The following JARID2 variants were observed in gnomAD, a reference collection of about 807,000 sequenced individuals.
The protein encoded by JARID2 is protein Jumonji.
In JARID2, 21 loss-of-function variants were observed where a neutral mutation model predicts 125.6. The ratio of observed to expected loss-of-function variants is 0.17; its 90% CI spans 0.12 to 0.24. The LOEUF (loss-of-function observed/expected upper bound fraction) is 0.24, where lower values mean the gene tolerates loss of function less well. Ranked by LOEUF, JARID2 falls within the 10% of genes least tolerant of loss-of-function variation. The pLI, the probability that JARID2 is intolerant of heterozygous loss-of-function variation, is 1.00. For synonymous variants in JARID2, 736 were observed against 661.6 expected, an observed-to-expected ratio of 1.11 and a Z score of -1.73; for missense variants, 1,303 against 1,639.6, an observed-to-expected ratio of 0.79 and a Z score of 3.55.
At chr6:15,259,666 G>A (rs1360999976) in intron 1 of JARID2, among the ~76,000 whole-genome samples, 2 of 152,222 alleles carry the variant, frequency 1.3e-5, no homozygotes, top group African/African-American at 4.8e-5. Context: ...AGATGGGTAT[G>A]TTGGGGAGAT....
At chr6:15,413,023 G>GTTTTTTTTTTTTTTTTTTT (rs1349875486) in intron 3 of JARID2, among the ~76,000 whole-genome samples, 1 of 68,004 alleles carries the variant, frequency 1.5e-5, no homozygotes, top group Non-Finnish European at 2.6e-5. Context: ...TTTTTTTTTT[G>GTTTTTTTTTTTTTTTTTTT]TTTTTTTTTT....
chr6:15,440,487 C>A (rs1767399445), intron 3 of JARID2, among the ~76,000 whole-genome samples: 1 of 152,144 alleles, frequency 6.6e-6, no homozygotes, highest in Non-Finnish European at 1.5e-5. Context: ...TGTTTTGTGG[C>A]CTGAAATATG....
At chr6:15,420,224 G>C (rs552336525) in intron 3 of JARID2, among the ~76,000 whole-genome samples, 3 of 152,192 alleles carry the variant, frequency 2.0e-5, no homozygotes, top group Non-Finnish European at 4.4e-5. Flanking sequence ...CCAACATGGT[G>C]AAACCCTGTC....
At chr6:15,262,119 T>C (rs369439464) in intron 1 of JARID2, among the ~76,000 whole-genome samples, 209 of 150,866 alleles carry the variant, frequency 1.4e-3, no homozygotes, top group African/African-American at 4.7e-3. Flanking sequence ...GGCACTGACA[T>C]GGAAAAGGTA....
chr6:15,462,689 G>T (rs1768508964), intron 4 of JARID2, among the ~76,000 whole-genome samples: 1 of 152,224 alleles, frequency 6.6e-6, no homozygotes, highest in Non-Finnish European at 1.5e-5. Context: ...ATTTGACTCT[G>T]CAGCTAAATG....
intron 3 of JARID2, among the ~76,000 whole-genome samples, chr6:15,436,812 A>ATT (rs137973226): frequency 1.3e-5 from 2 of 149,038 alleles, no homozygotes; most frequent in African/African-American, 2.5e-5. Context: ...TTTTCTTGTG[A>ATT]TTTTTTTTTT....
chr6:15,251,058 C>T (rs1314680086), intron 1 of JARID2, among the ~76,000 whole-genome samples: 1 of 151,982 alleles, frequency 6.6e-6, no homozygotes, highest in African/African-American at 2.4e-5. Flanking sequence ...CTTGCTCAGC[C>T]ACCCAGGCTG....
rs1761973335 is a variant in JARID2 at position 15,310,369 on chromosome 6, T to C, written c.46-63748T>C. ...TACAAATGACTAGTCACAGTGGAACTGGTCTGTTGAACCTACCCTTTGTAG... is the reference window on the plus strand; with the variant it reads ...TACAAATGACTAGTCACAGTGGAACCGGTCTGTTGAACCTACCCTTTGTAG... On this transcript the variant is annotated intron_variant, in intron 1 of 17. Transcript: ENST00000341776. 3.3e-5 allele frequency among the ~76,000 whole-genome samples: 5 copies of C among 152,322 alleles called. No individual in the cohort carries two copies. In the South Asian group the frequency reaches 1.0e-3, roughly 32 times the overall value.
chr6:15,397,080 C>G (rs1379103388), intron 2 of JARID2, among the ~76,000 whole-genome samples: 1 of 152,154 alleles, frequency 6.6e-6, no homozygotes, highest in Non-Finnish European at 1.5e-5. Flanking sequence ...GTGTGTGTAC[C>G]TAATTCTGGT....
intron 2 of JARID2, among the ~76,000 whole-genome samples, chr6:15,409,785 C>A (rs969993403): frequency 4.6e-5 from 7 of 152,248 alleles, no homozygotes; most frequent in African/African-American, 1.2e-4. Context: ...GATAAGGATG[C>A]CTTTTCTTGT....
intron 1 of JARID2, among the ~76,000 whole-genome samples, chr6:15,337,681 T>C (rs1762924190): frequency 6.6e-6 from 1 of 151,966 alleles, no homozygotes; most frequent in Non-Finnish European, 1.5e-5. Context: ...CCCTGAATTT[T>C]CCCCTTTTTG....
chr6:15,469,348 T>G (rs1221400661), intron 5 of JARID2, among the ~76,000 whole-genome samples: 2 of 23,012 alleles, frequency 8.7e-5, no homozygotes, highest in East Asian at 3.5e-3. Flanking sequence ...TGTCTCTCTC[T>G]CTCTCTCTCT....
chr6:15,332,914 CCCTTTCTTTT>C (rs1179505601), intron 1 of JARID2, among the ~76,000 whole-genome samples: 6 of 144,480 alleles, frequency 4.2e-5, no homozygotes, highest in African/African-American at 1.5e-4. Context: ...ATAAAATTTA[CCCTTTCTTTT>C]CTTTTCTTTT....
intron 16 of JARID2, among the ~76,000 whole-genome samples, chr6:15,515,576 A>AG (rs1771505901): frequency 6.6e-6 from 1 of 152,138 alleles, no homozygotes; most frequent in Non-Finnish European, 1.5e-5. Flanking sequence ...ACTCGAGGCC[A>AG]GGAGTGCGAG....
At position 15,511,374 on chromosome 6, in the gene JARID2, G is replaced by A. The variant is rs902726894; in HGVS notation, c.2925G>A (p.Gly975=). The change falls in exon 13 of 18, where the codon GGG becomes GGA. Residue 975 remains glycine (G), a synonymous_variant. Transcript: ENST00000341776. ...HTLLQANGTP[G]LQMLESNVMI... is the part of the protein sequence containing the mutation. ...TGCTGCAAGCCAATGGCACCCCAGG[G>A]CTGCAGATGCTGGAAAGCAACGTCA... The A allele has an allele frequency of 5.6e-6, 9 of 1,613,456 alleles. 1 individual carries two copies. Among genetic ancestry groups the A allele is most frequent in the Non-Finnish European group, 7.6e-6 (9 of 1,179,886 alleles).
chr6:15,285,932 G>A (rs998782329), intron 1 of JARID2, among the ~76,000 whole-genome samples: 10 of 152,184 alleles, frequency 6.6e-5, no homozygotes, highest in Admixed American at 6.5e-4. Flanking sequence ...GGTTGACAGT[G>A]GTTGACTCAA....
chr6:15,256,672 C>G (rs1464491808), intron 1 of JARID2, among the ~76,000 whole-genome samples: 1 of 152,142 alleles, frequency 6.6e-6, no homozygotes, highest in East Asian at 1.9e-4. Context: ...CCTGAGGAGC[C>G]CACCGTGTTT....
intron 1 of JARID2, among the ~76,000 whole-genome samples, chr6:15,283,435 G>T (rs1256021236): frequency 6.7e-6 from 1 of 149,004 alleles, no homozygotes; most frequent in African/African-American, 2.5e-5. Context: ...CCACCTCCTG[G>T]GTTCATGCCA....
intron 4 of JARID2, among the ~76,000 whole-genome samples, chr6:15,452,559 C>T (rs1767965979): frequency 1.3e-5 from 2 of 152,024 alleles, no homozygotes. Flanking sequence ...CTGTGAAGGC[C>T]CCTTTCTTTG....
Sources: allele counts gnomAD v4.1 joint callset (sites outside exome capture counted in the v4.1 genomes callset), GRCh38; gene constraint gnomAD v4.1.1; transcripts MANE v1.5; gene names NCBI Gene and HGNC (gene_info 2026-07-23, HGNC 2026-07-21).